The following ARHGAP8 variants were observed in gnomAD, a reference collection of about 807,000 sequenced individuals.
The protein encoded by ARHGAP8 is Rho GTPase activating protein 8, also known as rho GTPase-activating protein 8.
Under a neutral mutation model 46.1 loss-of-function variants are expected in ARHGAP8, and 62 were observed. The observed-to-expected ratio is 1.34, with a 90% CI of 1.10 to 1.66. ARHGAP8 has a LOEUF of 1.66. Ranked by LOEUF, ARHGAP8 falls within the 40% of genes most tolerant of loss-of-function variation. The pLI, the probability that ARHGAP8 is intolerant of heterozygous loss-of-function variation, is 0.00. For synonymous variants in ARHGAP8, 375 were observed against 243.1 expected (o/e 1.54, Z -5.05); for missense variants, 923 against 568.4 (o/e 1.62, Z -6.34).
intron 8 of ARHGAP8, among the ~76,000 whole-genome samples, chr22:44,847,567 C>T (rs974895490): frequency 6.6e-6 from 1 of 152,242 alleles, no homozygotes; most frequent in Non-Finnish European, 1.5e-5. Context: ...TGGGAAGTCA[C>T]GTGTCTGGAC....
chr22:44,766,699 C>A (rs1363709764), intron 1 of ARHGAP8, among the ~76,000 whole-genome samples: 1 of 152,160 alleles, frequency 6.6e-6, no homozygotes, highest in Non-Finnish European at 1.5e-5. Flanking sequence ...GCTGCCCTTT[C>A]TTCCTTCCTC....
At chr22:44,816,803 C>CA (rs1183457228) in intron 5 of ARHGAP8, among the ~76,000 whole-genome samples, 3,628 of 65,970 alleles carry the variant, frequency 0.055, 99 homozygotes, top group Non-Finnish European at 0.077. Flanking sequence ...GACCCTGTCT[C>CA]AAAAAAAAAA....
chr22:44,781,305 C>T (rs1926830854), intron 1 of ARHGAP8, among the ~76,000 whole-genome samples: 1 of 152,132 alleles, frequency 6.6e-6, no homozygotes, highest in African/African-American at 2.4e-5. Context: ...CTTACTGCTT[C>T]AGGCTTGCAG....
At chr22:44,828,897 G>A (rs976329528) in intron 7 of ARHGAP8, among the ~76,000 whole-genome samples, 9 of 152,132 alleles carry the variant, frequency 5.9e-5, no homozygotes, top group African/African-American at 2.2e-4. Flanking sequence ...TTAGCTGGGA[G>A]ATTCCAGCCA....
In ARHGAP8 at chr22:44,862,410, C is replaced by T. The variant is rs745722414; in HGVS notation, c.1117C>T (p.Leu373=). Residue 373 remains leucine, a synonymous_variant, in exon 12 of 12, where the codon CTG becomes TTG. Transcript: ENST00000356099. The stretch of plus-strand genomic sequence containing the variant: ...GCCCCTGAACATGTTCACTGAACTG[C>T]TGATCGAGTACTATGAAAAGATCTT... ...LVPLNMFTEL[L]IEYYEKIFST... is the part of the protein sequence containing the mutation. The T allele has an allele frequency of 6.8e-6, 11 of 1,614,170 alleles. No homozygotes were observed. In the Admixed American group the frequency reaches 1.0e-4, roughly 15 times the overall value.
In ARHGAP8 at chr22:44,814,663, C is replaced by A. The variant is rs1217248896; in HGVS notation, c.300-9C>A. 6.2e-7 allele frequency: 1 copy of A among 1,612,906 alleles called. No individual in the cohort carries two copies. Among genetic ancestry groups the A allele is most frequent in the Non-Finnish European group, 8.5e-7 (1 of 1,179,522 alleles). ...GCAGCCTGAAGTCATCCCCCGTTTC[C>A]CTCCTCAGGTACAAGAAGAACTTGA... On this transcript the variant is annotated splice_polypyrimidine_tract_variant and intron_variant, in intron 4 of 11. Transcript: ENST00000356099.
chr22:44,857,583 C>T (rs574105111), intron 10 of ARHGAP8, among the ~76,000 whole-genome samples: 5 of 152,246 alleles, frequency 3.3e-5, no homozygotes, highest in South Asian at 2.1e-4. Flanking sequence ...GTGGGAAGTG[C>T]GACGGACAGG....
At chr22:44,807,741 C>T (rs1048964649) in intron 3 of ARHGAP8, among the ~76,000 whole-genome samples, 1 of 152,194 alleles carries the variant, frequency 6.6e-6, no homozygotes, top group Non-Finnish European at 1.5e-5. Context: ...GGGCCGTGCT[C>T]CCTGGGAAGG....
At chr22:44,756,140 A>G (rs956537006) in intron 1 of ARHGAP8, among the ~76,000 whole-genome samples, 4 of 152,020 alleles carry the variant, frequency 2.6e-5, no homozygotes, top group African/African-American at 9.7e-5. Context: ...TTTGCAGGGG[A>G]GGAGAGTGGA....
In ARHGAP8 at chr22:44,848,969, C is replaced by T. The variant is rs748232824; in HGVS notation, c.786C>T (p.His262=). ...PVNFDDYGDI[H]IPAVILKTFL... is the part of the protein sequence containing the mutation. ...ACTTTGACGACTACGGGGACATTCA[C>T]ATCCCTGCCGTGATCCTGAAGACCT... The change falls in exon 10 of 12, where the codon CAC becomes CAT. Residue 262 remains histidine (H), a synonymous_variant. Transcript: ENST00000356099. 4 of 1,614,032 alleles carry T rather than the reference C, an allele frequency of 2.5e-6. No homozygotes were observed. The highest frequency in any genetic ancestry group is 1.1e-5 in the South Asian group (1 of 91,086).
chr22:44,820,300 G>A (rs1930036446), intron 5 of ARHGAP8, among the ~76,000 whole-genome samples: 1 of 152,210 alleles, frequency 6.6e-6, no homozygotes, highest in African/African-American at 2.4e-5. Context: ...ACAGGTCAGG[G>A]AGGTTGCAGA....
At chr22:44,783,529 G>A (rs1926997532) in intron 1 of ARHGAP8, among the ~76,000 whole-genome samples, 1 of 152,092 alleles carries the variant, frequency 6.6e-6, no homozygotes, top group African/African-American at 2.4e-5. Context: ...CACACTTGGG[G>A]TGAAGGTCCC....
At chr22:44,850,127 G>A (rs571399589) in intron 10 of ARHGAP8, 5 of 152,200 alleles carry the variant, frequency 3.3e-5, no homozygotes, top group Admixed American at 1.3e-4. Flanking sequence ...AAGGCGTCCT[G>A]TCAAGGTCGC....
chr22:44,763,786 A>ATTTTCTTTTTC (rs1480028438), intron 1 of ARHGAP8, among the ~76,000 whole-genome samples: 2 of 137,156 alleles, frequency 1.5e-5, no homozygotes, highest in African/African-American at 5.5e-5. Flanking sequence ...GGTGAGAATG[A>ATTTTCTTTTTC]TTTTCTTTTT....
rs560196113 is a variant in ARHGAP8, at chr22:44,855,813, C to T, written c.878-3918C>T. On this transcript the variant is annotated intron_variant, in intron 10 of 11. Transcript: ENST00000356099. ...TGATGGCTGGTAGGATGTCAGCTGTCGCCGAGTCTGTGTTGCTATGAAGAA... is the reference window on the plus strand; with the variant it reads ...TGATGGCTGGTAGGATGTCAGCTGTTGCCGAGTCTGTGTTGCTATGAAGAA... Among the ~76,000 whole-genome samples the T allele has an allele frequency of 3.3e-5, 5 of 152,198 alleles. No homozygotes were observed. The South Asian group carries it at 8.3e-4, about 25-fold the overall frequency.
At chr22:44,840,733 G>A (rs2285119) in intron 7 of ARHGAP8, among the ~76,000 whole-genome samples, 12,769 of 152,230 alleles carry the variant, frequency 0.084, 832 homozygotes, top group East Asian at 0.31. Context: ...CAACGAAGCC[G>A]GCACATCCCT....
chr22:44,820,279 T>C (rs2147113060), intron 5 of ARHGAP8, among the ~76,000 whole-genome samples: 1 of 152,272 alleles, frequency 6.6e-6, no homozygotes, highest in East Asian at 1.9e-4. Context: ...TGGCAGAGCC[T>C]GGCCTGCAGG....
chr22:44,848,031 C>T lies in ARHGAP8; in HGVS notation c.729C>T (p.Ile243=), dbSNP rs760727736. The stretch of plus-strand genomic sequence containing the variant: ...CCAGCGTGCAGACCGTCCGCGAGAT[C>T]CAGAGGCTCTACAACCAAGGTGAGG... ...RSASVQTVRE[I]QRLYNQGKPV... is the part of the protein sequence containing the mutation. The change falls in exon 9 of 12, where the codon ATC becomes ATT. Residue 243 remains isoleucine (I), a synonymous_variant. Coordinates refer to ENST00000356099, the MANE Select transcript of ARHGAP8 (RefSeq NM_181335.3). The T allele has an allele frequency of 1.2e-6, 2 of 1,607,514 alleles. No homozygotes were observed. Among genetic ancestry groups the T allele is most frequent in the Admixed American group, 3.3e-5 (2 of 60,026 alleles).
In ARHGAP8 at chr22:44,754,386, G is replaced by A. The variant is rs532416520; in HGVS notation, c.-72+1759G>A. Among the ~76,000 whole-genome samples the A allele has an allele frequency of 1.7e-3, 247 of 143,594 alleles. 1 individual carries two copies. The highest frequency in any genetic ancestry group is 3.0e-3 in the Non-Finnish European group (194 of 65,618). The allele number at this position is 143,594 out of a possible 152,430, so 94.2% of individuals were successfully genotyped here. On this transcript the variant is annotated intron_variant, in intron 1 of 11. Transcript: ENST00000356099. ...TGTGTGTGTGTGTGACGCAGTTTTCGCTCTTGTCGCCCAGGCTGGAGTGCA... is the reference window on the plus strand; with the variant it reads ...TGTGTGTGTGTGTGACGCAGTTTTCACTCTTGTCGCCCAGGCTGGAGTGCA...
Sources: allele counts gnomAD v4.1 joint callset (sites outside exome capture counted in the v4.1 genomes callset), GRCh38; gene constraint gnomAD v4.1.1; transcripts MANE v1.5; gene names NCBI Gene and HGNC (gene_info 2026-07-23, HGNC 2026-07-21).